Variants in POLR3B observed in about 807,000 individuals in gnomAD.
POLR3B encodes the protein RNA polymerase III subunit B.
Under a neutral mutation model 147.4 loss-of-function variants are expected in POLR3B, and 96 were observed. That is an observed-to-expected ratio of 0.65 (90% confidence interval 0.55 to 0.77). POLR3B has a LOEUF of 0.77. Ranked by LOEUF, POLR3B falls within the 30% of genes least tolerant of loss-of-function variation. POLR3B has a pLI of 0.00. For missense variants in POLR3B, 1,036 were observed against 1,413.5 expected (o/e 0.73, Z 4.28); for synonymous variants, 461 against 485.9 (o/e 0.95, Z 0.67).
intron 15 of POLR3B, among the ~76,000 whole-genome samples, chr12:106,433,208 C>T (rs1316978932): frequency 6.6e-6 from 1 of 152,228 alleles, no homozygotes; most frequent in Non-Finnish European, 1.5e-5. Flanking sequence ...CAGAGGCTAA[C>T]ATTGAGTGAG....
chr12:106,441,124 T>C (rs1183853882), intron 18 of POLR3B, among the ~76,000 whole-genome samples: 1 of 152,122 alleles, frequency 6.6e-6, no homozygotes, highest in Non-Finnish European at 1.5e-5. Flanking sequence ...ACACACATGA[T>C]TCCACACAAT....
intron 10 of POLR3B, among the ~76,000 whole-genome samples, chr12:106,400,426 G>A (rs1291814465): frequency 6.6e-6 from 1 of 152,036 alleles, no homozygotes; most frequent in South Asian, 2.1e-4. Flanking sequence ...ACAGATCAAC[G>A]AGACTGAAAG....
At chr12:106,461,982 C>T (rs2037943894) in intron 22 of POLR3B, among the ~76,000 whole-genome samples, 1 of 152,216 alleles carries the variant, frequency 6.6e-6, no homozygotes. Flanking sequence ...TGGTCCCAAA[C>T]AGGCTCCTCC....
intron 23 of POLR3B, among the ~76,000 whole-genome samples, chr12:106,465,691 T>G (rs1256558824): frequency 1.3e-5 from 2 of 152,162 alleles, no homozygotes; most frequent in Non-Finnish European, 2.9e-5. Flanking sequence ...CAACTCCGAC[T>G]TATGAGTGAG....
At chr12:106,413,068 C>G (rs58090967) in intron 12 of POLR3B, among the ~76,000 whole-genome samples, 3,077 of 152,098 alleles carry the variant, frequency 0.02, 102 homozygotes, top group African/African-American at 0.07. Flanking sequence ...ATTATTTTCT[C>G]CCATTCTATA....
chr12:106,465,605 C>T (rs1472851363), intron 23 of POLR3B, among the ~76,000 whole-genome samples: 1 of 152,130 alleles, frequency 6.6e-6, no homozygotes, highest in Non-Finnish European at 1.5e-5. Flanking sequence ...TAATGTTATC[C>T]CTCCCCTAGC....
chr12:106,363,473 G>A (rs537588209), intron 1 of POLR3B, among the ~76,000 whole-genome samples: 1 of 152,228 alleles, frequency 6.6e-6, no homozygotes, highest in Non-Finnish European at 1.5e-5. Flanking sequence ...TGACCAGACA[G>A]TAGTTGAGAG....
intron 12 of POLR3B, among the ~76,000 whole-genome samples, chr12:106,426,869 T>C (rs2037446754): frequency 8.5e-6 from 1 of 117,564 alleles, no homozygotes; most frequent in African/African-American, 3.1e-5. Context: ...CCTTTTTGGT[T>C]TTAATATATA....
chr12:106,368,754 G>C (rs1304773070), intron 4 of POLR3B, among the ~76,000 whole-genome samples: 1 of 151,952 alleles, frequency 6.6e-6, no homozygotes, highest in African/African-American at 2.4e-5. Context: ...TTAAGAGTTA[G>C]ACTTGCACAA....
chr12:106,440,987 G>A (rs975165130), intron 18 of POLR3B, among the ~76,000 whole-genome samples: 6 of 151,902 alleles, frequency 3.9e-5, no homozygotes, highest in African/African-American at 1.5e-4. Flanking sequence ...TTAAAATATA[G>A]AAATGCATGA....
intron 11 of POLR3B, among the ~76,000 whole-genome samples, chr12:106,408,302 T>G (rs2037176877): frequency 6.6e-6 from 1 of 152,244 alleles, no homozygotes; most frequent in African/African-American, 2.4e-5. Context: ...TCAGTAGTTC[T>G]CAGTGCTTGT....
chr12:106,503,677 T>C (rs982324675), intron 26 of POLR3B, among the ~76,000 whole-genome samples: 5 of 152,244 alleles, frequency 3.3e-5, no homozygotes, highest in African/African-American at 1.2e-4. Context: ...TGCTTTTAAA[T>C]AATAGAATAC....
At chr12:106,417,994 A>G (rs1240502304) in intron 12 of POLR3B, among the ~76,000 whole-genome samples, 1 of 152,224 alleles carries the variant, frequency 6.6e-6, no homozygotes, top group Non-Finnish European at 1.5e-5. Context: ...TGTGTTAGCA[A>G]AAATGTGTAA....
chr12:106,494,514 A>G (rs1028313727), intron 23 of POLR3B, among the ~76,000 whole-genome samples: 1 of 152,142 alleles, frequency 6.6e-6, no homozygotes, highest in Admixed American at 6.5e-5. Flanking sequence ...AGGGATTGCC[A>G]TTTTTAACAT....
intron 9 of POLR3B, among the ~76,000 whole-genome samples, chr12:106,383,997 A>AG (rs200480394): frequency 2.2e-4 from 32 of 148,546 alleles, no homozygotes; most frequent in African/African-American, 6.6e-4. Flanking sequence ...AAAGAGAGAG[A>AG]AAAAAAAAAA....
chr12:106,440,124 A>G (rs2037629958), intron 18 of POLR3B, among the ~76,000 whole-genome samples: 1 of 152,138 alleles, frequency 6.6e-6, no homozygotes, highest in Non-Finnish European at 1.5e-5. Context: ...GTAGCCCCAT[A>G]AATGACAGTT....
Position 106,503,594 on chromosome 12 carries a change from A to G in POLR3B, c.3099-487A>G, listed in dbSNP as rs371512426. Among the ~76,000 whole-genome samples the G allele has an allele frequency of 1.1e-3, 162 of 152,350 alleles. 4 individuals carry two copies. The East Asian group carries it at 0.017, about 16-fold the overall frequency. The stretch of plus-strand genomic sequence containing the variant: ...ATATAAACCACAGGGAATCCATTCA[A>G]GAGGCTAACAGCTCTGGCAGCAGCT... On this transcript the variant is annotated intron_variant, in intron 26 of 27. Coordinates refer to ENST00000228347, the MANE Select transcript of POLR3B (RefSeq NM_018082.6).
At chr12:106,399,621 C>T (rs920935306) in intron 10 of POLR3B, among the ~76,000 whole-genome samples, 1 of 152,158 alleles carries the variant, frequency 6.6e-6, no homozygotes, top group Admixed American at 6.5e-5. Context: ...AGACTAACAG[C>T]GGATCTCTCA....
rs1458338160 is a variant in POLR3B, at chr12:106,399,081, G to GA, written c.846+5936dup. Among the ~76,000 whole-genome samples the GA allele has an allele frequency of 5.3e-5, 8 of 151,856 alleles. No homozygotes were observed. The East Asian group carries it at 1.5e-3, about 29-fold the overall frequency. On this transcript the variant is annotated intron_variant, in intron 10 of 27. Transcript: ENST00000228347. Reference sequence around the variant, plus strand: ...ACCAATGGCAAAGAAGTTAAAAACTGAAAAAAAATTAAATGAATGGCTAAC... The same window carrying GA: ...ACCAATGGCAAAGAAGTTAAAAACTGAAAAAAAAATTAAATGAATGGCTAAC...
Sources: gnomAD v4.1 joint callset for allele counts (sites outside exome capture counted in the v4.1 genomes callset) on GRCh38, gnomAD v4.1.1 for gene constraint, MANE v1.5 for transcripts, NCBI Gene and HGNC (gene_info 2026-07-23, HGNC 2026-07-21) for gene names.